The following SGCZ variants were observed in gnomAD, a reference collection of about 807,000 sequenced individuals.
SGCZ encodes zeta-sarcoglycan.
A neutral mutation model predicts 41.3 loss-of-function variants in SGCZ; 40 were observed. That is an observed-to-expected ratio of 0.97 (90% confidence interval 0.75 to 1.26). SGCZ has a LOEUF of 1.26. Among genes scored for constraint, SGCZ ranks in the 50% most tolerant of loss-of-function variants. The pLI is 0.00. For synonymous variants in SGCZ, 206 were observed against 137.5 expected (o/e 1.50, Z -3.49); for missense variants, 552 against 369.8 (o/e 1.49, Z -4.04).
intron 1 of SGCZ, among the ~76,000 whole-genome samples, chr8:14,845,502 G>C (rs1043033684): frequency 6.6e-6 from 1 of 152,150 alleles, no homozygotes; most frequent in Non-Finnish European, 1.5e-5. Flanking sequence ...AGCAGGAAAA[G>C]ATGGCTTACA....
intron 1 of SGCZ, among the ~76,000 whole-genome samples, chr8:14,913,837 C>T (rs1043582539): frequency 5.3e-5 from 8 of 150,866 alleles, no homozygotes; most frequent in African/African-American, 1.9e-4. Context: ...ATAGGTTTTC[C>T]AAGTGACGTT....
At chr8:14,475,395 CATT>C (rs1438624481) in intron 2 of SGCZ, among the ~76,000 whole-genome samples, 1 of 151,976 alleles carries the variant, frequency 6.6e-6, no homozygotes, top group East Asian at 1.9e-4. Context: ...TAGCAGCAAA[CATT>C]ATTAACTATA....
intron 1 of SGCZ, among the ~76,000 whole-genome samples, chr8:14,894,730 T>C (rs558666991): frequency 6.6e-6 from 1 of 152,182 alleles, no homozygotes; most frequent in East Asian, 1.9e-4. Context: ...CTACTTCAGG[T>C]AAAAATGTCG....
At chr8:14,473,460 A>G (rs1296837825) in intron 2 of SGCZ, among the ~76,000 whole-genome samples, 4 of 152,220 alleles carry the variant, frequency 2.6e-5, no homozygotes, top group Non-Finnish European at 4.4e-5. Context: ...ATTAGGCAAG[A>G]AAGTATACAT....
In SGCZ at chr8:14,318,200, G is replaced by A. The variant is rs565325569; in HGVS notation, c.336+5903C>T. 1.1e-4 allele frequency among the ~76,000 whole-genome samples: 17 copies of A among 151,758 alleles called. No individual in the cohort carries two copies. In the South Asian group the frequency reaches 1.2e-3, roughly 11 times the overall value. The stretch of plus-strand genomic sequence containing the variant: ...GAAAGAAACAAGGAAGAGGAAAGGC[G>A]GGAAAGGGGGGAAGAGAAAAGGAGA... On this transcript the variant is annotated intron_variant, in intron 3 of 7. Transcript: ENST00000382080.
intron 4 of SGCZ, among the ~76,000 whole-genome samples, chr8:14,222,358 C>T (rs543544851): frequency 3.3e-5 from 5 of 151,914 alleles, no homozygotes; most frequent in South Asian, 2.1e-4. Context: ...TTAGTAGAAA[C>T]GGGGTTTCAC....
chr8:14,983,853 C>A (rs1190152459), intron 1 of SGCZ, among the ~76,000 whole-genome samples: 6 of 152,102 alleles, frequency 3.9e-5, no homozygotes, highest in Non-Finnish European at 8.8e-5. Flanking sequence ...CATTCTATAT[C>A]TATTATATCT....
Position 14,466,059 on chromosome 8 carries a change from T to C in SGCZ, c.234+88673A>G, listed in dbSNP as rs1050508997. 3.9e-5 allele frequency among the ~76,000 whole-genome samples: 6 copies of C among 152,002 alleles called. No homozygotes were observed. In the East Asian group the frequency reaches 1.2e-3, roughly 29 times the overall value. On this transcript the variant is annotated intron_variant, in intron 2 of 7. Transcript: ENST00000382080. The stretch of plus-strand genomic sequence containing the variant: ...CACAGTTTATCTTTACTGATATCTT[T>C]ATCTCTTCATACGGCTTTAAGTTAC...
At chr8:14,110,226 T>A (rs1173852994) in intron 5 of SGCZ, among the ~76,000 whole-genome samples, 3 of 152,112 alleles carry the variant, frequency 2.0e-5, no homozygotes, top group Non-Finnish European at 4.4e-5. Context: ...AGAGAGACTC[T>A]GGCATTTTGT....
At chr8:14,444,781 G>C (rs1800385042) in intron 2 of SGCZ, among the ~76,000 whole-genome samples, 1 of 151,848 alleles carries the variant, frequency 6.6e-6, no homozygotes, top group African/African-American at 2.4e-5. Context: ...CCGGCATATT[G>C]GGCACATGTA....
intron 1 of SGCZ, among the ~76,000 whole-genome samples, chr8:15,097,133 T>C (rs780939012): frequency 1.3e-5 from 2 of 152,184 alleles, no homozygotes; most frequent in East Asian, 1.9e-4. Flanking sequence ...AACATCTTTC[T>C]TGAAGCTACA....
chr8:14,374,184 C>G (rs1394640935), intron 2 of SGCZ, among the ~76,000 whole-genome samples: 3 of 151,944 alleles, frequency 2.0e-5, no homozygotes, highest in African/African-American at 7.3e-5. Context: ...CAGAGATCAG[C>G]CTGGACAACA....
chr8:14,892,987 C>T (rs1805069210), intron 1 of SGCZ, among the ~76,000 whole-genome samples: 1 of 152,094 alleles, frequency 6.6e-6, no homozygotes, highest in Non-Finnish European at 1.5e-5. Context: ...CCATACAGAG[C>T]ATATGGTAGG....
intron 1 of SGCZ, among the ~76,000 whole-genome samples, chr8:14,801,453 G>A (rs1801318635): frequency 6.6e-6 from 1 of 152,090 alleles, no homozygotes; most frequent in Admixed American, 6.5e-5. Flanking sequence ...ACTATATAAT[G>A]TAACAATAAT....
intron 1 of SGCZ, among the ~76,000 whole-genome samples, chr8:14,968,110 C>T (rs1801178318): frequency 6.6e-6 from 1 of 152,114 alleles, no homozygotes; most frequent in South Asian, 2.1e-4. Context: ...GGTGTCTCAT[C>T]AGATTGGTTA....
At chr8:15,017,938 C>T (rs774813113) in intron 1 of SGCZ, among the ~76,000 whole-genome samples, 1 of 152,124 alleles carries the variant, frequency 6.6e-6, no homozygotes, top group Non-Finnish European at 1.5e-5. Context: ...CAATTTTGCC[C>T]AGTCTGGTCT....
intron 1 of SGCZ, among the ~76,000 whole-genome samples, chr8:15,193,035 A>T (rs906186997): frequency 1.3e-4 from 20 of 152,214 alleles, no homozygotes; most frequent in South Asian, 2.1e-4. Context: ...TACCACTTAT[A>T]ATTGGTGAAT....
intron 1 of SGCZ, among the ~76,000 whole-genome samples, chr8:14,894,131 A>C (rs1805113413): frequency 6.6e-6 from 1 of 152,186 alleles, no homozygotes; most frequent in Non-Finnish European, 1.5e-5. Context: ...TCTGAGTTTT[A>C]AGATCTTAAT....
intron 3 of SGCZ, among the ~76,000 whole-genome samples, chr8:14,290,457 C>T (rs1386827176): frequency 6.6e-6 from 1 of 151,886 alleles, no homozygotes; most frequent in Admixed American, 6.6e-5. Context: ...GGCTAATATC[C>T]AAAATATATA....
Sources: gnomAD v4.1 joint callset for allele counts (sites outside exome capture counted in the v4.1 genomes callset) on GRCh38, gnomAD v4.1.1 for gene constraint, MANE v1.5 for transcripts, NCBI Gene and HGNC (gene_info 2026-07-23, HGNC 2026-07-21) for gene names.